The following SOX5 variants were observed in gnomAD, a reference collection of about 807,000 sequenced individuals.
SOX5 encodes the protein SRY-box transcription factor 5.
A neutral mutation model predicts 92.0 loss-of-function variants in SOX5; 9 were observed. The ratio of observed to expected loss-of-function variants is 0.10; its 90% CI spans 0.06 to 0.17. The LOEUF is 0.17. Among genes scored for constraint, SOX5 ranks in the 10% least tolerant of loss-of-function variants. SOX5 has a pLI of 1.00. For missense variants in SOX5, 642 were observed against 944.5 expected (o/e 0.68, Z 4.20); for synonymous variants, 344 against 336.3 (o/e 1.02, Z -0.25).
chr12:23,957,802 C>G (rs561613305), intron 4 of SOX5, among the ~76,000 whole-genome samples: 2 of 152,176 alleles, frequency 1.3e-5, no homozygotes, highest in African/African-American at 4.8e-5. Flanking sequence ...AATTACTCAA[C>G]AAGCATTTAT....
intron 4 of SOX5, among the ~76,000 whole-genome samples, chr12:24,126,078 C>G (rs962021144): frequency 6.6e-6 from 1 of 152,168 alleles, no homozygotes; most frequent in Non-Finnish European, 1.5e-5. Flanking sequence ...AGGTTCTCTC[C>G]TCTAGCCTTC....
At chr12:24,396,493 C>T (rs191984223) in intron 1 of SOX5, among the ~76,000 whole-genome samples, 19 of 152,198 alleles carry the variant, frequency 1.2e-4, no homozygotes, top group Non-Finnish European at 1.8e-4. Context: ...TAGAGCTGCC[C>T]GGTTCCCATT....
Position 23,667,061 on chromosome 12 carries a change from A to G in SOX5, c.811-1497T>C, listed in dbSNP as rs1169110763. 4.6e-5 allele frequency among the ~76,000 whole-genome samples: 7 copies of G among 152,040 alleles called. No homozygotes were observed. The East Asian group carries it at 1.2e-3, about 25-fold the overall frequency. ...TGGTTGGTGAGTGTGGGGGGCAGCG[A>G]GGACTGAGAGAGGGAGAAGGGGAGG... On this transcript the variant is annotated intron_variant, in intron 6 of 14. Transcript: ENST00000451604.
At chr12:24,399,448 T>C (rs1960951938) in intron 1 of SOX5, among the ~76,000 whole-genome samples, 1 of 152,218 alleles carries the variant, frequency 6.6e-6, no homozygotes, top group East Asian at 1.9e-4. Context: ...TACTTAACAA[T>C]AATTAATTTC....
At chr12:23,754,283 A>G (rs1431748349) in intron 4 of SOX5, among the ~76,000 whole-genome samples, 2 of 151,828 alleles carry the variant, frequency 1.3e-5, no homozygotes, top group Non-Finnish European at 2.9e-5. Context: ...TCGCTGCTCT[A>G]CTCTGAGTTA....
intron 1 of SOX5, among the ~76,000 whole-genome samples, chr12:24,442,747 A>G (rs1940837775): frequency 6.6e-6 from 1 of 152,138 alleles, no homozygotes; most frequent in Non-Finnish European, 1.5e-5. Flanking sequence ...GTGAAGAGCG[A>G]GCAAGAGATA....
chr12:23,783,731 C>A (rs1183913182), intron 3 of SOX5, among the ~76,000 whole-genome samples: 1 of 152,094 alleles, frequency 6.6e-6, no homozygotes, highest in Admixed American at 6.5e-5. Context: ...TAACTTTACC[C>A]AAATTTTAGG....
Position 24,147,655 on chromosome 12 carries a change from T to G in SOX5, c.-2+65688A>C, listed in dbSNP as rs186102254. Among the ~76,000 whole-genome samples, 51 of 152,314 alleles carry G rather than the reference T, an allele frequency of 3.3e-4. No individual in the cohort carries two copies. In the East Asian group the frequency reaches 9.6e-3, roughly 29 times the overall value. On this transcript the variant is annotated intron_variant, in intron 4 of 4. Transcript: ENST00000446891. ...TTTGGTCACAGACAACATAATTGTC[T>G]ACCCAGAAAATCTGACTGAATTTAC...
chr12:23,855,985 C>A (rs11047133), intron 2 of SOX5, among the ~76,000 whole-genome samples: 2 of 151,768 alleles, frequency 1.3e-5, no homozygotes, highest in South Asian at 2.1e-4. Context: ...GTGAAAGAAG[C>A]CTTTAACATG....
intron 2 of SOX5, among the ~76,000 whole-genome samples, chr12:23,881,070 A>T (rs2096983508): frequency 6.6e-6 from 1 of 152,280 alleles, no homozygotes; most frequent in South Asian, 2.1e-4. Flanking sequence ...GGGGAAAGGG[A>T]GAGAGCATCT....
chr12:24,412,371 G>T (rs955240170), intron 1 of SOX5, among the ~76,000 whole-genome samples: 1 of 151,878 alleles, frequency 6.6e-6, no homozygotes, highest in Non-Finnish European at 1.5e-5. Flanking sequence ...TATGAACTTA[G>T]ATTACTGATT....
chr12:24,209,327 G>A (rs1305851928), intron 4 of SOX5, among the ~76,000 whole-genome samples: 2 of 152,080 alleles, frequency 1.3e-5, no homozygotes, highest in Non-Finnish European at 2.9e-5. Context: ...AAGTAGGCAT[G>A]CCCTCTCCAA....
At chr12:23,950,778 TA>T, upstream of SOX5, 1 of 1,210,320 alleles carries the variant, frequency 8.3e-7, no homozygotes, top group Non-Finnish European at 1.2e-6. Flanking sequence ...ATTATCTAGA[TA>T]AAAATCTGGC....
chr12:23,688,671 AATTGCT>A (rs2088124805), intron 6 of SOX5, among the ~76,000 whole-genome samples: 1 of 152,086 alleles, frequency 6.6e-6, no homozygotes, highest in Non-Finnish European at 1.5e-5. Context: ...CTGCCCAAGT[AATTGCT>A]ACGAATTGGG....
chr12:23,686,332 C>T (rs991500463), intron 6 of SOX5, among the ~76,000 whole-genome samples: 2 of 152,148 alleles, frequency 1.3e-5, no homozygotes, highest in African/African-American at 4.8e-5. Context: ...TCCTGTAGCC[C>T]CAGTAAGTGT....
intron 4 of SOX5, among the ~76,000 whole-genome samples, chr12:24,003,196 TATC>T (rs1261628253): frequency 2.6e-5 from 4 of 152,070 alleles, no homozygotes; most frequent in Admixed American, 2.6e-4. Flanking sequence ...AAACAGCTAA[TATC>T]ATACTTAACA....
At chr12:23,733,926 C>T (rs1176880898) in intron 6 of SOX5, among the ~76,000 whole-genome samples, 15 of 152,114 alleles carry the variant, frequency 9.9e-5, no homozygotes. Context: ...TGAGCCCTGA[C>T]ACTATGCTAA....
chr12:24,402,562 A>C (rs1374033432), intron 1 of SOX5, among the ~76,000 whole-genome samples: 1 of 152,180 alleles, frequency 6.6e-6, no homozygotes, highest in African/African-American at 2.4e-5. Flanking sequence ...CTGGATCTGC[A>C]TTTAGGAGGT....
chr12:24,461,715 T>G (rs561131801), intron 1 of SOX5, among the ~76,000 whole-genome samples: 1 of 152,336 alleles, frequency 6.6e-6, no homozygotes, highest in East Asian at 1.9e-4. Flanking sequence ...CATTGAACAC[T>G]TACTCTGGCA....
Sources: gnomAD v4.1 joint callset for allele counts (sites outside exome capture counted in the v4.1 genomes callset) on GRCh38, gnomAD v4.1.1 for gene constraint, MANE v1.5 for transcripts, NCBI Gene and HGNC (gene_info 2026-07-23, HGNC 2026-07-21) for gene names.